The following FHL1 variants were observed in gnomAD, a reference collection of about 807,000 sequenced individuals.
FHL1 encodes four and a half LIM domains 1.
FHL1 carries 1 observed loss-of-function variant against 20.3 expected under a neutral mutation model. That is an observed-to-expected ratio of 0.05 (90% CI 0.02 to 0.23). The LOEUF is 0.23. FHL1 is among the 10% of genes least tolerant of loss of function. FHL1 has a pLI of 1.00. For synonymous variants in FHL1, 82 were observed against 88.9 expected, an observed-to-expected ratio of 0.92 and a Z score of 0.44; for missense variants, 177 against 234.0, an observed-to-expected ratio of 0.76 and a Z score of 1.59.
intron 2 of FHL1, among the ~76,000 whole-genome samples, chrX:136,191,331 G>A (rs995946713): frequency 5.3e-5 from 6 of 112,426 alleles, no homozygotes; most frequent in Middle Eastern, 4.6e-3. Context: ...CTTGGCAGAT[G>A]GGAGCCAAGT....
chrX:136,206,379 C>A, intron 1 of FHL1, 28 bp from the exon 2 acceptor site: 3 of 1,210,946 alleles, frequency 2.5e-6, no homozygotes, highest in South Asian at 1.8e-5. Context: ...TTCCTGTGGT[C>A]ATTTGTCCTG....
At chrX:136,168,581 T>C (rs562469247), upstream of FHL1, among the ~76,000 whole-genome samples, 8 of 111,528 alleles carry the variant, frequency 7.2e-5, no homozygotes, top group South Asian at 3.1e-3. Context: ...TGTTAGCGCT[T>C]CACCATGGGC....
intron 1 of FHL1, among the ~76,000 whole-genome samples, chrX:136,158,071 T>TCATC (rs1257485572): frequency 8.9e-6 from 1 of 111,997 alleles, no homozygotes; most frequent in East Asian, 2.8e-4. Flanking sequence ...GTCTAATCAT[T>TCATC]CATCCATCCA....
intron 1 of FHL1, among the ~76,000 whole-genome samples, chrX:136,152,270 T>C (rs2072285914): frequency 1.8e-5 from 2 of 112,161 alleles, no homozygotes; most frequent in African/African-American, 6.5e-5. Context: ...GTGGGAGATA[T>C]TTGTTAAGTA....
chrX:136,208,139 G>A (rs6633813), intron 4 of FHL1, among the ~76,000 whole-genome samples, 178 bp downstream of exon 4: 1 of 112,391 alleles, frequency 8.9e-6, no homozygotes, highest in East Asian at 2.8e-4. Flanking sequence ...CCACAGCCAA[G>A]TCAGGCTGTC....
rs368428875 is a variant in FHL1 at position 136,209,862 on chromosome X, TC to T, written c.737-3del. 6.6e-4 allele frequency: 763 copies of T among 1,162,380 alleles called. 1 individual carries two copies. Among genetic ancestry groups the T allele is most frequent in the African/African-American group, 4.8e-3 (265 of 55,732 alleles). ...TGTTTTCTTTTCTTTTCTTTTTTTT[TC>T]CCCCCAGGGTTTGGTAAAGGCTCCA... On this transcript the variant is annotated splice_polypyrimidine_tract_variant and splice_region_variant and intron_variant, in intron 5 of 5. Coordinates refer to ENST00000370683, the MANE Select transcript of FHL1 (RefSeq NM_001159699.2).
intron 1 of FHL1, among the ~76,000 whole-genome samples, chrX:136,200,073 T>C (rs1354402241): frequency 1.8e-5 from 2 of 112,501 alleles, no homozygotes; most frequent in Non-Finnish European, 3.8e-5. Context: ...CCTCTCAGCA[T>C]GTTGGATGTA....
intron 1 of FHL1, among the ~76,000 whole-genome samples, chrX:136,153,230 A>T (rs1047137148): frequency 3.7e-5 from 4 of 108,506 alleles, no homozygotes; most frequent in Non-Finnish European, 7.7e-5. Context: ...GGAAACATTT[A>T]AAAAACAGCC....
At chrX:136,161,672 A>G (rs1481439480) in intron 1 of FHL1, among the ~76,000 whole-genome samples, 2 of 112,032 alleles carry the variant, frequency 1.8e-5, no homozygotes, top group South Asian at 3.7e-4. Context: ...GCTGAATTGT[A>G]AGGAAACAGT....
intron 1 of FHL1, among the ~76,000 whole-genome samples, chrX:136,152,181 G>A (rs778256985): frequency 1.8e-5 from 2 of 111,929 alleles, no homozygotes; most frequent in South Asian, 3.7e-4. Context: ...CAGGAAGCAC[G>A]CAAATTAAAT....
chrX:136,203,046 A>G (rs1251487995), intron 1 of FHL1, among the ~76,000 whole-genome samples: 1 of 112,775 alleles, frequency 8.9e-6, no homozygotes, highest in African/African-American at 3.2e-5. Flanking sequence ...ATTTAGAAGT[A>G]CGTGACGTAA....
Position 136,210,191 on chromosome X carries a change from G to A in FHL1, c.*166G>A, listed in dbSNP as rs1404490194. 7.9e-6 allele frequency: 6 copies of A among 759,161 alleles called. No individual in the cohort carries two copies. In the Admixed American group the frequency reaches 1.5e-4, roughly 19 times the overall value. The allele number at this position is 759,161 out of a possible 1,213,427, so 62.6% of individuals were successfully genotyped here. A position where few individuals can be genotyped will look rare whatever the true frequency, so the allele number is the denominator to read the frequency against. On this transcript the variant is annotated 3_prime_UTR_variant, in exon 6 of 6. Transcript: ENST00000370683. ...AGTATTACTCAAATAAGGGCACACA[G>A]TGATCATATTAGCATTTAGCAAAAA...
chrX:136,207,833 G>T lies in FHL1; in HGVS notation c.421G>T (p.Asp141Tyr), dbSNP rs2148375768. The T allele has an allele frequency of 2.5e-6, 3 of 1,212,158 alleles. No individual in the cohort carries two copies. The highest frequency in any genetic ancestry group is 1.1e-6 in the Non-Finnish European group (1 of 895,571). ...GTACAAGGGGACCGTCTGGCACAAA[G>T]ACTGCTTCACCTGTAGTAACTGCAA... ...VEYKGTVWHK[D>Y]CFTCSNCKQV... is the part of the protein sequence containing the mutation. Residue 141 changes from aspartate to tyrosine, a missense_variant, in exon 4 of 6, where the codon GAC becomes TAC. Coordinates refer to ENST00000370683, the MANE Select transcript of FHL1 (RefSeq NM_001159699.2).
At chrX:136,193,956 C>A (rs1435879990), upstream of FHL1, among the ~76,000 whole-genome samples, 1 of 109,407 alleles carries the variant, frequency 9.1e-6, no homozygotes, top group East Asian at 2.9e-4. Flanking sequence ...ACACCCCAAC[C>A]CCCCCCAGCT....
rs1238525679 is a variant in FHL1 at position 136,203,997 on chromosome X, C to T, written c.23-2410C>T. Reference sequence around the variant, plus strand: ...GTATCAAAAGCAAGTGATACTAAAACGAGTAGGTTCAAAGTTGTATACTAA... The same window carrying T: ...GTATCAAAAGCAAGTGATACTAAAATGAGTAGGTTCAAAGTTGTATACTAA... On this transcript the variant is annotated intron_variant, in intron 1 of 5. Coordinates refer to ENST00000370683, the MANE Select transcript of FHL1 (RefSeq NM_001159699.2). Among the ~76,000 whole-genome samples, 6 of 112,006 alleles carry T rather than the reference C, an allele frequency of 5.4e-5. No individual in the cohort carries two copies. In the Admixed American group the frequency reaches 5.7e-4, roughly 11 times the overall value.
At position 136,147,951 on chromosome X, in the gene FHL1, A is replaced by G. The variant is rs1416945306; in HGVS notation, c.-101+323A>G. ...AGGCAGTGGGGTGGAGGTGGGGGGG[A>G]TCGGGAGTGAAATGGGGGCTCTCCA... On this transcript the variant is annotated intron_variant, in intron 1 of 7. Coordinates refer to the FHL1 transcript ENST00000394155. The G allele has an allele frequency of 1.6e-4, 12 of 75,093 alleles. No individual in the cohort carries two copies. The Admixed American group carries it at 2.0e-3, about 12-fold the overall frequency. The allele number at this position is 75,093 out of a possible 1,213,427, so 6.2% of individuals were successfully genotyped here.
intron 5 of FHL1, chrX:136,209,092 A>G (rs1569530673): frequency 4.1e-6 from 2 of 481,964 alleles, no homozygotes; most frequent in Non-Finnish European, 6.7e-6. Context: ...TTTGCTGTTT[A>G]TTTGTTTTTG....
rs1358090384 is a variant in FHL1, at chrX:136,210,724, A to T, written c.*699A>T. 2.6e-6 allele frequency: 1 copy of T among 389,311 alleles called. No homozygotes were observed. The highest frequency in any genetic ancestry group is 2.9e-5 in the Admixed American group (1 of 34,297). 32.1% of individuals were successfully genotyped at this position (389,311 alleles called of 1,213,427 possible). On this transcript the variant is annotated 3_prime_UTR_variant, in exon 6 of 6. Transcript: ENST00000370683. ...TTTGGGAAGTGTAGAAAGACCTGAG[A>T]AAACGAGCCTGTTTCAGAGGAACAT... is the stretch of plus-strand genomic sequence containing the variant.
In FHL1 at chrX:136,209,459, C is replaced by G. The variant is rs749911623; in HGVS notation, c.737-412C>G. The G allele has an allele frequency of 5.0e-6, 6 of 1,206,522 alleles. No individual in the cohort carries two copies. The East Asian group carries it at 1.8e-4, about 36-fold the overall frequency. ...CGAGGCCCGGTAAGTGCACACCCCA[C>G]GAACAGCCCAAGTTTGCCTCCTGGT... On this transcript the variant is annotated intron_variant, in intron 5 of 5. Transcript: ENST00000370683.
Sources: allele counts gnomAD v4.1 joint callset (sites outside exome capture counted in the v4.1 genomes callset), GRCh38; gene constraint gnomAD v4.1.1; transcripts MANE v1.5; gene names NCBI Gene and HGNC (gene_info 2026-07-23, HGNC 2026-07-21).